SDK1: variants seen among roughly 807,000 people sequenced by gnomAD.
The protein encoded by SDK1 is sidekick cell adhesion molecule 1.
In SDK1, 157 loss-of-function variants were observed where a neutral mutation model predicts 245.5. That is an observed-to-expected ratio of 0.64 (90% CI 0.56 to 0.73). SDK1 has a LOEUF of 0.73. SDK1 is among the 30% of genes least tolerant of loss of function. The pLI is 0.00. For missense variants in SDK1, 3,583 were observed against 3,002.3 expected (o/e 1.19, Z -4.52); for synonymous variants, 1,647 against 1,278.5 (o/e 1.29, Z -6.15).
At chr7:3,859,213 C>T (rs1055226718) in intron 5 of SDK1, among the ~76,000 whole-genome samples, 8 of 152,140 alleles carry the variant, frequency 5.3e-5, no homozygotes, top group African/African-American at 1.7e-4. Flanking sequence ...GAAAAGGGCT[C>T]GGCAGGTGAT....
At chr7:3,685,635 A>G (rs1784259417) in intron 4 of SDK1, among the ~76,000 whole-genome samples, 1 of 152,168 alleles carries the variant, frequency 6.6e-6, no homozygotes, top group Non-Finnish European at 1.5e-5. Context: ...GTGAATGTAG[A>G]AGAAATATGT....
chr7:3,512,495 C>T (rs1782613578), intron 1 of SDK1, among the ~76,000 whole-genome samples: 1 of 152,164 alleles, frequency 6.6e-6, no homozygotes, highest in African/African-American at 2.4e-5. Flanking sequence ...GAGTGTGGAT[C>T]ATATGGTACG....
chr7:3,536,906 G>A (rs10234480), intron 1 of SDK1, among the ~76,000 whole-genome samples: 104,465 of 152,062 alleles, frequency 0.69, 36,284 homozygotes, highest in South Asian at 0.81. Flanking sequence ...TAGTTGTTTA[G>A]TTGAATTATA....
intron 22 of SDK1, among the ~76,000 whole-genome samples, chr7:4,108,996 G>C (rs953812010): frequency 6.6e-6 from 1 of 152,230 alleles, no homozygotes; most frequent in African/African-American, 2.4e-5. Flanking sequence ...TGTGGTAGCA[G>C]GTGTGGGTGC....
intron 42 of SDK1, among the ~76,000 whole-genome samples, chr7:4,240,454 A>G (rs1786447948): frequency 6.6e-6 from 1 of 151,912 alleles, no homozygotes. Context: ...CTTGGTTTCC[A>G]CCTGCTCACC....
At chr7:4,062,626 A>G (rs911583981) in intron 19 of SDK1, among the ~76,000 whole-genome samples, 10 of 152,206 alleles carry the variant, frequency 6.6e-5, no homozygotes, top group African/African-American at 2.4e-4. Context: ...TGTTACCCAG[A>G]TACCAAAACC....
At chr7:4,051,565 A>C in intron 18 of SDK1, 73 bp from the exon 19 acceptor site, 1 of 1,296,990 alleles carries the variant, frequency 7.7e-7, no homozygotes, top group Non-Finnish European at 1.1e-6. Flanking sequence ...ACAAAATAAA[A>C]TTCTGCTGCA....
At chr7:3,356,994 G>T (rs988512348) in intron 1 of SDK1, among the ~76,000 whole-genome samples, 1 of 143,866 alleles carries the variant, frequency 7.0e-6, no homozygotes, top group African/African-American at 2.6e-5. Flanking sequence ...GGCAGAGGTT[G>T]CAGTGAGCCG....
intron 1 of SDK1, among the ~76,000 whole-genome samples, chr7:3,451,269 T>A (rs1490079585): frequency 6.6e-6 from 1 of 151,430 alleles, no homozygotes; most frequent in Admixed American, 6.8e-5. Flanking sequence ...AGCCCGGAGT[T>A]CCAGGAAAAA....
intron 35 of SDK1, among the ~76,000 whole-genome samples, chr7:4,201,386 T>G (rs1282164590): frequency 6.6e-6 from 1 of 152,220 alleles, no homozygotes; most frequent in Non-Finnish European, 1.5e-5. Context: ...CCATAGTTCC[T>G]TAGGAAATCA....
At chr7:4,024,581 C>G (rs979997361) in intron 17 of SDK1, among the ~76,000 whole-genome samples, 3 of 152,308 alleles carry the variant, frequency 2.0e-5, no homozygotes, top group Admixed American at 6.5e-5. Context: ...CCACTGTGTA[C>G]CAGCCTTCAC....
intron 5 of SDK1, among the ~76,000 whole-genome samples, chr7:3,937,747 C>T (rs565960506): frequency 2.2e-4 from 34 of 152,318 alleles, no homozygotes; most frequent in Admixed American, 1.5e-3. Context: ...TCCCATTGTC[C>T]GTGTTAATAG....
Position 4,019,996 on chromosome 7 carries a change from C to G in SDK1, c.2602+2644C>G, listed in dbSNP as rs187899856. Among the ~76,000 whole-genome samples, 263 of 152,290 alleles carry G rather than the reference C, an allele frequency of 1.7e-3. 1 individual carries two copies. The highest frequency in any genetic ancestry group is 0.014 in the Middle Eastern group (4 of 294). ...GGGATGGTAAATGCCTCTGGGGAAT[C>G]TCCCTGGAGCTTGCTGGGATTGGGA... On this transcript the variant is annotated intron_variant, in intron 17 of 44. Transcript: ENST00000404826.
chr7:3,601,881 T>G (rs1188953761), intron 1 of SDK1, among the ~76,000 whole-genome samples: 2 of 141,936 alleles, frequency 1.4e-5, no homozygotes, highest in Non-Finnish European at 3.0e-5. Context: ...CCTGTGTCCA[T>G]GTGTTATCAT....
intron 1 of SDK1, among the ~76,000 whole-genome samples, chr7:3,316,900 C>G: frequency 6.6e-6 from 1 of 152,026 alleles, no homozygotes; most frequent in East Asian, 1.9e-4. Context: ...GTCTGGGGGT[C>G]TGGGTACTGT....
intron 35 of SDK1, among the ~76,000 whole-genome samples, chr7:4,193,065 A>G (rs1257481460): frequency 7.2e-6 from 1 of 139,100 alleles, no homozygotes; most frequent in Non-Finnish European, 1.5e-5. Flanking sequence ...AATATATATT[A>G]TAATATATAA....
chr7:3,865,487 A>G (rs374650262), intron 5 of SDK1, among the ~76,000 whole-genome samples: 12 of 152,152 alleles, frequency 7.9e-5, no homozygotes, highest in East Asian at 3.9e-4. Flanking sequence ...CCAGGTGTCT[A>G]TTTTCCCTGA....
intron 4 of SDK1, among the ~76,000 whole-genome samples, chr7:3,788,151 C>G (rs142056421): frequency 3.3e-5 from 5 of 152,214 alleles, no homozygotes; most frequent in African/African-American, 4.8e-5. Flanking sequence ...TCTGCACTCA[C>G]TGGCTCTGGG....
chr7:3,826,081 A>C (rs965347198), intron 5 of SDK1, among the ~76,000 whole-genome samples: 1 of 152,234 alleles, frequency 6.6e-6, no homozygotes, highest in Non-Finnish European at 1.5e-5. Context: ...AACCTGCTGT[A>C]CGGAGTGAAG....
Sources: gnomAD v4.1 joint callset for allele counts (sites outside exome capture counted in the v4.1 genomes callset) on GRCh38, gnomAD v4.1.1 for gene constraint, MANE v1.5 for transcripts, NCBI Gene and HGNC (gene_info 2026-07-23, HGNC 2026-07-21) for gene names.